Variants in ZDHHC11B observed in about 807,000 individuals in gnomAD.
ZDHHC11B encodes zDHHC palmitoyltransferase 11B (putative).
In ZDHHC11B, 17 loss-of-function variants were observed where a neutral mutation model predicts 42.3. The ratio of observed to expected loss-of-function variants is 0.40; its 90% CI spans 0.27 to 0.60. ZDHHC11B has a LOEUF of 0.60. Among genes scored for constraint, ZDHHC11B ranks in the 20% least tolerant of loss-of-function variants. The pLI is 0.41. For missense variants in ZDHHC11B, 262 were observed against 463.2 expected (o/e 0.57, Z 3.99); for synonymous variants, 123 against 193.5 (o/e 0.64, Z 3.02).
rs527688693 is a variant in ZDHHC11B, at chr5:723,215, C to T, written c.1059-6350G>A. Among the ~76,000 whole-genome samples, 6 of 147,528 alleles carry T rather than the reference C, an allele frequency of 4.1e-5. No homozygotes were observed. The South Asian group carries it at 1.3e-3, about 33-fold the overall frequency. ...AGATCAAGGATGAATCTGTTCCCAC[C>T]CAGGATTGGGATTCGTGTGACTCTG... is the stretch of plus-strand genomic sequence containing the variant. On this transcript the variant is annotated intron_variant, in intron 12 of 13. Transcript: ENST00000508859.
chr5:740,308 T>TTATA, intron 10 of ZDHHC11B, among the ~76,000 whole-genome samples: 2 of 88,596 alleles, frequency 2.3e-5, no homozygotes, highest in African/African-American at 7.0e-5. Flanking sequence ...CTAGGACTGG[T>TTATA]GCGGTGGCTC....
intron 9 of ZDHHC11B, among the ~76,000 whole-genome samples, chr5:744,145 C>T (rs1223163868): frequency 1.3e-5 from 2 of 149,894 alleles, no homozygotes; most frequent in Admixed American, 6.8e-5. Flanking sequence ...GATTCCTAGG[C>T]CTTAAGGCAC....
intron 13 of ZDHHC11B, among the ~76,000 whole-genome samples, chr5:715,284 T>C (rs1327273501): frequency 6.7e-6 from 1 of 150,118 alleles, no homozygotes; most frequent in African/African-American, 2.5e-5. Flanking sequence ...TTTTGCAGAT[T>C]ATTTGCAAGT....
intron 12 of ZDHHC11B, among the ~76,000 whole-genome samples, chr5:723,997 C>G (rs1336605477): frequency 1.4e-5 from 2 of 140,968 alleles, no homozygotes; most frequent in East Asian, 4.3e-4. Context: ...TGCAGAGAGA[C>G]AGCCCTATGG....
intron 12 of ZDHHC11B, among the ~76,000 whole-genome samples, chr5:728,830 T>G (rs2126994492): frequency 6.6e-6 from 1 of 151,884 alleles, no homozygotes; most frequent in Admixed American, 6.6e-5. Flanking sequence ...GAGACCAGTG[T>G]GGGCAACATG....
intron 9 of ZDHHC11B, 29 bp from the exon 10 acceptor site, chr5:741,657 G>GA: frequency 1.3e-6 from 2 of 1,515,220 alleles, no homozygotes; most frequent in Non-Finnish European, 9.0e-7. Context: ...TTCGTCACAT[G>GA]AAAAAAGAAG....
At chr5:776,578 C>G (rs1343579940) in intron 1 of ZDHHC11B, among the ~76,000 whole-genome samples, 1 of 151,806 alleles carries the variant, frequency 6.6e-6, no homozygotes, top group Non-Finnish European at 1.5e-5. Context: ...GGACAGCTCT[C>G]AGCTCGAGAC....
At chr5:784,582 G>T (rs866460563) in intron 1 of ZDHHC11B, among the ~76,000 whole-genome samples, 86 bp downstream of exon 1, 1 of 152,158 alleles carries the variant, frequency 6.6e-6, no homozygotes, top group Non-Finnish European at 1.5e-5. Flanking sequence ...TGCGGCGCAG[G>T]TGGCTGCTGG....
intron 12 of ZDHHC11B, among the ~76,000 whole-genome samples, chr5:717,838 G>A (rs1193576612): frequency 1.3e-5 from 2 of 151,766 alleles, no homozygotes; most frequent in Admixed American, 6.6e-5. Flanking sequence ...CTCCTGATGG[G>A]GTGATTAGCT....
At chr5:742,167 TTTTA>T (rs1283478456) in intron 9 of ZDHHC11B, among the ~76,000 whole-genome samples, 1 of 132,244 alleles carries the variant, frequency 7.6e-6, no homozygotes. Flanking sequence ...ATGTATGTAT[TTTTA>T]TTTATTTTTG....
At chr5:775,566 G>A (rs1736405091) in intron 1 of ZDHHC11B, among the ~76,000 whole-genome samples, 1 of 151,862 alleles carries the variant, frequency 6.6e-6, no homozygotes, top group Non-Finnish European at 1.5e-5. Flanking sequence ...AGGTTCCCAG[G>A]AGCCCCGCGT....
At chr5:763,382 AAAAAAG>A (rs1242704971) in intron 4 of ZDHHC11B, among the ~76,000 whole-genome samples, 3 of 148,086 alleles carry the variant, frequency 2.0e-5, no homozygotes, top group East Asian at 2.1e-4. Context: ...GGAAAAAAAA[AAAAAAG>A]AAGAAGAAGA....
rs77869401 is a variant in ZDHHC11B, at chr5:777,475, A to G, written c.-230+7193T>C. Among the ~76,000 whole-genome samples, 3 of 14,678 alleles carry G rather than the reference A, an allele frequency of 2.0e-4. 1 individual carries two copies. Among genetic ancestry groups the G allele is most frequent in the Non-Finnish European group, 2.7e-4 (2 of 7,526 alleles). The allele number at this position is 14,678 out of a possible 152,430, so 9.6% of individuals were successfully genotyped here. On this transcript the variant is annotated intron_variant, in intron 1 of 13. Transcript: ENST00000508859. ...CAGCTCACAAAAGCGGCGCGCACCCAGACTGAGCGGCAAGATTTATTGCTA... is the reference window on the plus strand; with the variant it reads ...CAGCTCACAAAAGCGGCGCGCACCCGGACTGAGCGGCAAGATTTATTGCTA...
chr5:729,447 C>T (rs1397922009), intron 12 of ZDHHC11B, among the ~76,000 whole-genome samples: 30 of 150,680 alleles, frequency 2.0e-4, no homozygotes, highest in South Asian at 4.3e-4. Context: ...GCTGGGACTC[C>T]CTGCAGTGAT....
rs115193830 is a variant in ZDHHC11B, at chr5:759,010, C to A, written c.223-2866G>T. Among the ~76,000 whole-genome samples, 206 of 151,870 alleles carry A rather than the reference C, an allele frequency of 1.4e-3. 1 individual carries two copies. The highest frequency in any genetic ancestry group is 4.9e-3 in the African/African-American group (201 of 41,344). The stretch of plus-strand genomic sequence containing the variant: ...CCGGGATAGAGATGACACGGAGCAC[C>A]GTGTTCTCAATTTTCTCTGCTTCTA... On this transcript the variant is annotated intron_variant, in intron 4 of 13. Coordinates refer to ENST00000508859, the MANE Select transcript of ZDHHC11B (RefSeq NM_001351303.2).
At chr5:747,105 T>G (rs2298575) in intron 8 of ZDHHC11B, among the ~76,000 whole-genome samples, 44,375 of 77,922 alleles carry the variant, frequency 0.57, 9,764 homozygotes, top group Middle Eastern at 0.7. Context: ...TAGAAAGTAC[T>G]TTTAAAAATA....
At chr5:741,259 C>A (rs1231030746) in intron 10 of ZDHHC11B, among the ~76,000 whole-genome samples, 1 of 144,888 alleles carries the variant, frequency 6.9e-6, no homozygotes. Context: ...TATTAGAGAT[C>A]ATAAGAAATA....
intron 1 of ZDHHC11B, among the ~76,000 whole-genome samples, chr5:771,883 C>T (rs1224401422): frequency 6.9e-6 from 1 of 145,912 alleles, no homozygotes; most frequent in Non-Finnish European, 1.5e-5. Context: ...TGAGAACCTG[C>T]ACCCCGTGGG....
At chr5:762,458 C>G (rs1400024028) in intron 4 of ZDHHC11B, among the ~76,000 whole-genome samples, 1 of 151,868 alleles carries the variant, frequency 6.6e-6, no homozygotes, top group African/African-American at 2.4e-5. Flanking sequence ...CAGCTGGACC[C>G]AGCCCATTTC....
Sources: gnomAD v4.1 joint callset for allele counts (sites outside exome capture counted in the v4.1 genomes callset) on GRCh38, gnomAD v4.1.1 for gene constraint, MANE v1.5 for transcripts, NCBI Gene and HGNC (gene_info 2026-07-23, HGNC 2026-07-21) for gene names.